The following STAB2 variants were observed in gnomAD, a reference collection of about 807,000 sequenced individuals.
STAB2 encodes the protein stabilin 2, also known as stabilin-2.
A neutral mutation model predicts 338.1 loss-of-function variants in STAB2; 288 were observed. The ratio of observed to expected loss-of-function variants is 0.85; its 90% confidence interval spans 0.77 to 0.94. STAB2 has a LOEUF of 0.94. Ranked by LOEUF, STAB2 falls within the 40% of genes least tolerant of loss-of-function variation. The pLI is 0.00. For synonymous variants in STAB2, 1,202 were observed against 1,193.3 expected (o/e 1.01, Z -0.15); for missense variants, 3,141 against 3,210.1 (o/e 0.98, Z 0.52).
chr12:103,719,147 G>A (rs779858684), intron 44 of STAB2, among the ~76,000 whole-genome samples: 1 of 152,180 alleles, frequency 6.6e-6, no homozygotes, highest in Non-Finnish European at 1.5e-5. Flanking sequence ...CCTGCAAAGG[G>A]ATGAGATAAG....
chr12:103,633,668 T>C (rs1957500560), intron 6 of STAB2, among the ~76,000 whole-genome samples: 1 of 152,190 alleles, frequency 6.6e-6, no homozygotes, highest in African/African-American at 2.4e-5. Flanking sequence ...GGTGACAGAC[T>C]GAGACTCCGT....
At position 103,730,266 on chromosome 12, in the gene STAB2, C is replaced by T. The variant is rs765503836; in HGVS notation, c.5223+10C>T. 1 of 1,613,334 alleles carries T rather than the reference C, an allele frequency of 6.2e-7. No homozygotes were observed. Among genetic ancestry groups the T allele is most frequent in the South Asian group, 1.1e-5 (1 of 91,036 alleles). ...CTCTGGAAGAATTCTGGTAGGTAAA[C>T]TCTCTGTTATGTTTTCAGCCTGGAG... On this transcript the variant is annotated intron_variant, in intron 49 of 68. Coordinates refer to ENST00000388887, the MANE Select transcript of STAB2 (RefSeq NM_017564.10).
chr12:103,627,435 A>G (rs529149775), intron 5 of STAB2, among the ~76,000 whole-genome samples: 23 of 152,360 alleles, frequency 1.5e-4, no homozygotes, highest in African/African-American at 4.8e-4. Context: ...CCCTCTGACC[A>G]GCACGGCCAT....
chr12:103,724,723 G>A (rs1881043216), intron 44 of STAB2, among the ~76,000 whole-genome samples: 1 of 152,100 alleles, frequency 6.6e-6, no homozygotes, highest in South Asian at 2.1e-4. Context: ...GCAACTCTGG[G>A]CTTACCTGTA....
At chr12:103,660,452 CA>C in intron 16 of STAB2, 68 bp downstream of exon 16, 1 of 1,562,366 alleles carries the variant, frequency 6.4e-7, no homozygotes, top group Non-Finnish European at 8.8e-7. Context: ...TCTTGAATTC[CA>C]ATATTTTGAC....
intron 3 of STAB2, among the ~76,000 whole-genome samples, chr12:103,618,168 C>A (rs767468139): frequency 1.3e-5 from 2 of 152,140 alleles, no homozygotes; most frequent in Non-Finnish European, 2.9e-5. Context: ...TATGTTCATA[C>A]CTAATCCCCA....
chr12:103,642,976 G>C (rs1873036681), intron 9 of STAB2, among the ~76,000 whole-genome samples: 1 of 151,968 alleles, frequency 6.6e-6, no homozygotes, highest in African/African-American at 2.4e-5. Context: ...GTCTTGGTCT[G>C]TTTGGGTTGC....
At chr12:103,714,526 C>T (rs1351640061) in intron 42 of STAB2, among the ~76,000 whole-genome samples, 1 of 152,056 alleles carries the variant, frequency 6.6e-6, no homozygotes, top group Non-Finnish European at 1.5e-5. Flanking sequence ...GGTGAAACCA[C>T]ATCTCTACTA....
chr12:103,611,516 C>A (rs1317669056), intron 3 of STAB2, among the ~76,000 whole-genome samples: 1 of 152,080 alleles, frequency 6.6e-6, no homozygotes, highest in Non-Finnish European at 1.5e-5. Flanking sequence ...GCAACCCCTG[C>A]CTTTTTTTGT....
chr12:103,662,379 T>C (rs1318406753), intron 17 of STAB2, among the ~76,000 whole-genome samples: 3 of 152,080 alleles, frequency 2.0e-5, no homozygotes, highest in Admixed American at 2.0e-4. Flanking sequence ...CAGAAATCTT[T>C]GCTAATTGGT....
chr12:103,700,913 G>C (rs952992875), intron 34 of STAB2, among the ~76,000 whole-genome samples: 16 of 151,584 alleles, frequency 1.1e-4, no homozygotes, highest in Non-Finnish European at 2.9e-5. Flanking sequence ...AGTTACATAT[G>C]TATACATGTG....
At chr12:103,685,296 G>GCAGTCCTT in intron 27 of STAB2, among the ~76,000 whole-genome samples, 1 of 152,146 alleles carries the variant, frequency 6.6e-6, no homozygotes, top group Admixed American at 6.5e-5. Flanking sequence ...TGTGTACCAA[G>GCAGTCCTT]CAGTCCTTAC....
rs749233494 is a variant in STAB2 at position 103,689,897 on chromosome 12, G to T, written c.3097G>T (p.Val1033Leu). The change falls in exon 29 of 69, where the codon GTG becomes TTG. Residue 1033 changes from valine (V) to leucine (L), a missense_variant. Val to Leu is a conservative substitution (Grantham distance 32, BLOSUM62 1). Transcript: ENST00000388887. ...LSATSNLTVL[V>L]PSQQATEDMD... Reference sequence around the variant, plus strand: ...AGCCACCTCAAACCTCACTGTCCTCGTGCCTTCCCAACAAGCTACTGAGGA... The same window carrying T: ...AGCCACCTCAAACCTCACTGTCCTCTTGCCTTCCCAACAAGCTACTGAGGA... The T allele has an allele frequency of 1.2e-6, 2 of 1,613,938 alleles. No homozygotes were observed. The highest frequency in any genetic ancestry group is 1.3e-5 in the African/African-American group (1 of 74,888).
chr12:103,612,849 G>A (rs960050465), intron 3 of STAB2, among the ~76,000 whole-genome samples: 9 of 152,108 alleles, frequency 5.9e-5, no homozygotes, highest in Non-Finnish European at 8.8e-5. Flanking sequence ...TGAAGGTGAC[G>A]TACAGATGGG....
At chr12:103,636,817 C>T (rs1425008284) in intron 6 of STAB2, among the ~76,000 whole-genome samples, 3 of 152,084 alleles carry the variant, frequency 2.0e-5, no homozygotes, top group African/African-American at 7.2e-5. Flanking sequence ...TCCTTAAAGA[C>T]TTTCATAATA....
chr12:103,742,390 T>C lies in STAB2; in HGVS notation c.5882-15T>C. On this transcript the variant is annotated splice_polypyrimidine_tract_variant and intron_variant, in intron 55 of 68. Coordinates refer to ENST00000388887, the MANE Select transcript of STAB2 (RefSeq NM_017564.10). ...TTGGGAGACTGTTGAGTCACTGCTG[T>C]TTCATCTCTTCCAGCCTGCCCTGGA... The C allele has an allele frequency of 1.9e-6, 3 of 1,613,580 alleles. No individual in the cohort carries two copies. The Admixed American group carries it at 5.0e-5, about 27-fold the overall frequency.
intron 22 of STAB2, among the ~76,000 whole-genome samples, chr12:103,673,686 G>A (rs1313485668): frequency 1.3e-5 from 2 of 152,168 alleles, no homozygotes; most frequent in Non-Finnish European, 2.9e-5. Context: ...CCCCTCCTGG[G>A]TGGGACAAGC....
Position 103,669,590 on chromosome 12 carries a change from CAGG to C in STAB2, c.2226_2228del (p.Gly743del), listed in dbSNP as rs778733708. ...TATGGACCTGACTGCAACCAGTGTCCAGGAGGCTTCTCAAATCCATGCTCAGGA... is the reference window on the plus strand; with the variant it reads ...TATGGACCTGACTGCAACCAGTGTCCAGGCTTCTCAAATCCATGCTCAGGA... On this transcript the variant is annotated inframe_deletion, in exon 21 of 69. Coordinates refer to ENST00000388887, the MANE Select transcript of STAB2 (RefSeq NM_017564.10). 1 of 1,614,044 alleles carries C rather than the reference CAGG, an allele frequency of 6.2e-7. No homozygotes were observed. Among genetic ancestry groups the C allele is most frequent in the Non-Finnish European group, 8.5e-7 (1 of 1,180,040 alleles).
chr12:103,694,983 A>G (rs1471407973), intron 31 of STAB2, among the ~76,000 whole-genome samples: 1 of 151,970 alleles, frequency 6.6e-6, no homozygotes, highest in East Asian at 1.9e-4. Flanking sequence ...GTCTGCAGAA[A>G]TTCAGACTGA....
Sources: gnomAD v4.1 joint callset for allele counts (sites outside exome capture counted in the v4.1 genomes callset) on GRCh38, gnomAD v4.1.1 for gene constraint, MANE v1.5 for transcripts, NCBI Gene and HGNC (gene_info 2026-07-23, HGNC 2026-07-21) for gene names.